Variants in TMEM59 observed in about 807,000 individuals in gnomAD.
The protein encoded by TMEM59 is dendritic cell factor 1.
Under a neutral mutation model 42.2 loss-of-function variants are expected in TMEM59, and 44 were observed. That is an observed-to-expected ratio of 1.04 (90% CI 0.82 to 1.34). The LOEUF is 1.34. Ranked by LOEUF, TMEM59 falls within the 40% of genes most tolerant of loss-of-function variation. The pLI is 0.00. For missense variants in TMEM59, 359 were observed against 382.8 expected, an observed-to-expected ratio of 0.94 and a Z score of 0.52; for synonymous variants, 148 against 145.8, an observed-to-expected ratio of 1.02 and a Z score of -0.11.
upstream of TMEM59, chr1:54,053,297 C>G (rs1342936939): frequency 9.5e-6 from 13 of 1,369,818 alleles, no homozygotes; most frequent in Non-Finnish European, 1.3e-5. Flanking sequence ...GTTGCTTCCG[C>G]CTCCGCTGTC....
chr1:54,052,924 A>G, intron 1 of TMEM59, 76 bp downstream of exon 1: 1 of 1,507,572 alleles, frequency 6.6e-7, no homozygotes, highest in Non-Finnish European at 8.9e-7. Flanking sequence ...CCAGGTTGCC[A>G]GAGCCGACAT....
rs1656759325 is a variant in TMEM59 at position 54,031,281 on chromosome 1, C to G, written c.*869G>C. The G allele has an allele frequency of 6.6e-6, 1 of 152,086 alleles. No individual in the cohort carries two copies. The highest frequency in any genetic ancestry group is 1.5e-5 in the Non-Finnish European group (1 of 68,038). 9.4% of individuals were successfully genotyped at this position (152,086 alleles called of 1,614,324 possible). On this transcript the variant is annotated 3_prime_UTR_variant, in exon 8 of 8. Transcript: ENST00000234831. ...GATTCTGGTGTATTATTATTATGAC[C>G]TGATATCATTCTAATATTAAGCTCT...
intron 7 of TMEM59, 92 bp downstream of exon 7, chr1:54,036,518 T>C (rs528631210): frequency 1.0e-5 from 9 of 904,260 alleles, no homozygotes; most frequent in African/African-American, 3.5e-5. Flanking sequence ...TTTCTATTAG[T>C]AGAAAGGCCT....
At chr1:54,040,863 A>G in intron 5 of TMEM59, 26 bp from the exon 6 acceptor site, 1 of 1,574,266 alleles carries the variant, frequency 6.4e-7, no homozygotes, top group Non-Finnish European at 8.7e-7. Flanking sequence ...GTATGAGTTT[A>G]TTATATCCTA....
chr1:54,032,348 G>A (rs371971067), intron 7 of TMEM59, 43 bp from the exon 8 acceptor site: 1 of 1,471,268 alleles, frequency 6.8e-7, no homozygotes, highest in African/African-American at 1.4e-5. Context: ...TGGATAATTA[G>A]GAACCTCTCC....
At chr1:54,043,288 ATGGT>A (rs1452095711) in intron 4 of TMEM59, 81 bp downstream of exon 4, 1 of 1,155,012 alleles carries the variant, frequency 8.7e-7, no homozygotes, top group Non-Finnish European at 1.1e-6. Context: ...GTGACTGAGT[ATGGT>A]TCTATGCTGA....
intron 6 of TMEM59, among the ~76,000 whole-genome samples, chr1:54,039,162 T>C (rs1050898904): frequency 2.6e-5 from 4 of 152,200 alleles, no homozygotes; most frequent in African/African-American, 9.7e-5. Flanking sequence ...GAATAATTTT[T>C]ATTCAAATGT....
At position 54,032,104 on chromosome 1, in the gene TMEM59, T is replaced by C; in HGVS notation, c.*46A>G. 6.5e-7 allele frequency: 1 copy of C among 1,537,286 alleles called. No individual in the cohort carries two copies. Among genetic ancestry groups the C allele is most frequent in the Non-Finnish European group, 8.8e-7 (1 of 1,138,002 alleles). ...ACCATTTTAAAAGCTCTATGAGGAG[T>C]GGAATTTTAGATGTCTATTACACTT... On this transcript the variant is annotated 3_prime_UTR_variant, in exon 8 of 8. Transcript: ENST00000234831.
Position 54,030,384 on chromosome 1 carries a change from G to A in TMEM59, c.*1766C>T, listed in dbSNP as rs1041544027. The A allele has an allele frequency of 4.6e-5, 7 of 152,092 alleles. No individual in the cohort carries two copies. Among genetic ancestry groups the A allele is most frequent in the African/African-American group, 1.7e-4 (7 of 41,430 alleles). The allele number at this position is 152,092 out of a possible 1,614,324, so 9.4% of individuals were successfully genotyped here. A position where few individuals can be genotyped will look rare whatever the true frequency, so the allele number is the denominator to read the frequency against. On this transcript the variant is annotated 3_prime_UTR_variant, in exon 8 of 8. Coordinates refer to ENST00000234831, the MANE Select transcript of TMEM59 (RefSeq NM_004872.5). The stretch of plus-strand genomic sequence containing the variant: ...TAAGTATGCACTAATGATGGGAGAC[G>A]AAACAACAGGGCTTTTTATTTTTTT...
chr1:54,052,454 T>C (rs1569977550), intron 1 of TMEM59, among the ~76,000 whole-genome samples: 1 of 152,198 alleles, frequency 6.6e-6, no homozygotes, highest in East Asian at 1.9e-4. Context: ...TAACTCAACA[T>C]AGGCAGACAG....
chr1:54,036,504 T>A, intron 7 of TMEM59, 106 bp downstream of exon 7: 2 of 759,744 alleles, frequency 2.6e-6, no homozygotes, highest in Non-Finnish European at 4.0e-6. Context: ...CCACATCTTC[T>A]CTCTTTCTAT....
chr1:54,042,056 GT>G lies in TMEM59; in HGVS notation c.544-252del, dbSNP rs1366775381. Among the ~76,000 whole-genome samples, 300 of 131,258 alleles carry G rather than the reference GT, an allele frequency of 2.3e-3. 2 individuals are homozygous for G. The highest frequency in any genetic ancestry group is 0.023 in the East Asian group (100 of 4,412). 86.1% of individuals were successfully genotyped at this position (131,258 alleles called of 152,430 possible). ...TAACTTCCTGACAACGTTTTGTTTT[GT>G]TTTTTTTTTTTTTTAAAGGGAGAGA... On this transcript the variant is annotated intron_variant, in intron 4 of 7. Transcript: ENST00000234831.
Position 54,051,960 on chromosome 1 carries a change from T to C in TMEM59, c.189+1040A>G, listed in dbSNP as rs148024620. Among the ~76,000 whole-genome samples, 709 of 152,258 alleles carry C rather than the reference T, an allele frequency of 4.7e-3. 4 individuals are homozygous for C. The highest frequency in any genetic ancestry group is 7.1e-3 in the Non-Finnish European group (480 of 68,012). Reference sequence around the variant, plus strand: ...AAAGACCTGAAAATACTCGCCAATATGGAACATCCTAAGCTTCACTGGAAC... The same window carrying C: ...AAAGACCTGAAAATACTCGCCAATACGGAACATCCTAAGCTTCACTGGAAC... On this transcript the variant is annotated intron_variant, in intron 1 of 7. Coordinates refer to ENST00000234831, the MANE Select transcript of TMEM59 (RefSeq NM_004872.5).
In TMEM59 at chr1:54,036,662, C is replaced by G. The variant is rs1656962435; in HGVS notation, c.764G>C (p.Trp255Ser). Residue 255 changes from tryptophan to serine, a missense_variant, in exon 7 of 8, where the codon TGG (tryptophan) becomes TCG (serine). Physicochemically the swap from Trp to Ser is radical, Grantham distance 177. Coordinates refer to ENST00000234831, the MANE Select transcript of TMEM59 (RefSeq NM_004872.5). ...TLVLSVMVLL[W>S]ICCATVATAV... ...TGTAGCAACAGTTGCACAACAAATC[C>G]AAAGCAATACCATCACCGAGAGGAC... is the stretch of plus-strand genomic sequence containing the variant. 1 of 1,609,724 alleles carries G rather than the reference C, an allele frequency of 6.2e-7. No homozygotes were observed. The highest frequency in any genetic ancestry group is 1.7e-5 in the Admixed American group (1 of 59,678).
intron 6 of TMEM59, among the ~76,000 whole-genome samples, chr1:54,040,393 T>TCCACCCGCCTTGG: frequency 1.3e-5 from 2 of 152,294 alleles, no homozygotes; most frequent in Middle Eastern, 3.4e-3. Flanking sequence ...CCTCAGGCGA[T>TCCACCCGCCTTGG]CCACCCGCCT....
chr1:54,048,767 A>G (rs1657430129), intron 1 of TMEM59: 1 of 338,616 alleles, frequency 3.0e-6, no homozygotes. Flanking sequence ...AAGGATTAGT[A>G]AAATTTACGC....
At chr1:54,035,736 CTAAG>C (rs748490526) in intron 7 of TMEM59, among the ~76,000 whole-genome samples, 183 of 152,234 alleles carry the variant, frequency 1.2e-3, no homozygotes, top group Non-Finnish European at 2.2e-3. Flanking sequence ...CCTCAGCCTC[CTAAG>C]TAGCTGGGAT....
intron 4 of TMEM59, among the ~76,000 whole-genome samples, chr1:54,042,460 C>G (rs1286787437): frequency 6.6e-6 from 1 of 152,048 alleles, no homozygotes; most frequent in South Asian, 2.1e-4. Context: ...GGACCTAGAA[C>G]TTGTTCATGA....
chr1:54,052,745 C>T (rs1657595255), intron 1 of TMEM59, among the ~76,000 whole-genome samples: 1 of 152,176 alleles, frequency 6.6e-6, no homozygotes, highest in Non-Finnish European at 1.5e-5. Flanking sequence ...CGGCAAGCTC[C>T]CAGAGGAAAG....
Sources: gnomAD v4.1 joint callset for allele counts (sites outside exome capture counted in the v4.1 genomes callset) on GRCh38, gnomAD v4.1.1 for gene constraint, MANE v1.5 for transcripts, NCBI Gene and HGNC (gene_info 2026-07-23, HGNC 2026-07-21) for gene names.